IDO2: variants seen among roughly 807,000 people sequenced by gnomAD.
IDO2 encodes indoleamine 2,3-dioxygenase 2, also known as indoleamine 2,3-dioxygenase-like 1 protein.
In IDO2, 46 loss-of-function variants were observed where a neutral mutation model predicts 45.1. That is an observed-to-expected ratio of 1.02 (90% confidence interval 0.80 to 1.30). The LOEUF (loss-of-function observed/expected upper bound fraction) is 1.30. Ranked by LOEUF, IDO2 falls within the 50% of genes most tolerant of loss-of-function variation. The probability of loss-of-function intolerance (pLI) is 0.00; values close to 1 mark genes in which losing one functional copy is unlikely to be tolerated. For missense variants in IDO2, 544 were observed against 491.8 expected (o/e 1.11, Z -1.00); for synonymous variants, 218 against 184.9 (o/e 1.18, Z -1.45).
intron 1 of IDO2, among the ~76,000 whole-genome samples, chr8:39,941,328 A>C (rs1474451507): frequency 6.6e-6 from 1 of 152,114 alleles, no homozygotes; most frequent in Non-Finnish European, 1.5e-5. Flanking sequence ...GTGACTGTCA[A>C]GAAAGTATTT....
intron 3 of IDO2, among the ~76,000 whole-genome samples, chr8:39,969,595 C>A (rs1011614329): frequency 2.6e-5 from 4 of 152,174 alleles, no homozygotes; most frequent in Non-Finnish European, 5.9e-5. Context: ...AAACTAGAGG[C>A]TGGTCATGGT....
chr8:39,981,237 T>C (rs2543067), intron 4 of IDO2, among the ~76,000 whole-genome samples: 99,832 of 151,596 alleles, frequency 0.66, 33,726 homozygotes, highest in South Asian at 0.77. Flanking sequence ...AATTTTTATA[T>C]TTTTAGTAAA....
At chr8:39,954,747 C>G (rs939571093) in intron 2 of IDO2, among the ~76,000 whole-genome samples, 5 of 150,160 alleles carry the variant, frequency 3.3e-5, no homozygotes, top group African/African-American at 1.2e-4. Flanking sequence ...CCTTTGCCTC[C>G]CGGGTTCAAG....
intron 5 of IDO2, among the ~76,000 whole-genome samples, chr8:39,984,235 G>A (rs1808392395): frequency 6.6e-6 from 1 of 152,216 alleles, no homozygotes; most frequent in Admixed American, 6.5e-5. Context: ...AGCACATTGG[G>A]AGGCCCAGGT....
At chr8:39,944,304 C>T (rs956260930) in intron 1 of IDO2, among the ~76,000 whole-genome samples, 6 of 152,304 alleles carry the variant, frequency 3.9e-5, no homozygotes, top group African/African-American at 7.2e-5. Context: ...AACCACTACA[C>T]CCAGCCCAGG....
chr8:39,988,086 CTTAG>C, intron 7 of IDO2, 116 bp downstream of exon 7: 1 of 618,506 alleles, frequency 1.6e-6, no homozygotes, highest in Non-Finnish European at 2.9e-6. Context: ...CCTTGTCCTG[CTTAG>C]TTCAAGTCTG....
intron 9 of IDO2, among the ~76,000 whole-genome samples, chr8:40,009,459 A>T (rs1802278281): frequency 6.7e-6 from 1 of 149,544 alleles, no homozygotes; most frequent in African/African-American, 2.5e-5. Context: ...AAATGATCTC[A>T]TTTTTTTTTC....
chr8:39,980,662 G>A (rs1283735267), intron 4 of IDO2, among the ~76,000 whole-genome samples: 4 of 152,114 alleles, frequency 2.6e-5, no homozygotes, highest in Non-Finnish European at 5.9e-5. Context: ...CCTACCTCTT[G>A]TCTCTCGGGG....
intron 8 of IDO2, among the ~76,000 whole-genome samples, chr8:40,001,244 C>CCTT (rs1585418536): frequency 2.0e-5 from 2 of 97,846 alleles, no homozygotes; most frequent in East Asian, 2.8e-4. Flanking sequence ...TGGCTTTCCT[C>CCTT]ATTTTTTTTT....
intron 8 of IDO2, among the ~76,000 whole-genome samples, chr8:39,997,648 G>A (rs1802066354): frequency 6.6e-6 from 1 of 152,128 alleles, no homozygotes; most frequent in South Asian, 2.1e-4. Context: ...GACAGAGTGA[G>A]ACCCTGTCTC....
At chr8:39,967,778 G>C (rs573401114) in intron 3 of IDO2, among the ~76,000 whole-genome samples, 1 of 152,162 alleles carries the variant, frequency 6.6e-6, no homozygotes, top group African/African-American at 2.4e-5. Context: ...GTGAGCCACC[G>C]TGCTGGCCTA....
At chr8:39,961,396 C>T (rs558238817) in intron 2 of IDO2, among the ~76,000 whole-genome samples, 3 of 139,134 alleles carry the variant, frequency 2.2e-5, no homozygotes, top group South Asian at 2.4e-4. Context: ...GATCTTGGCT[C>T]ACTGCAACTT....
chr8:39,994,387 A>G (rs1240214870), intron 8 of IDO2, among the ~76,000 whole-genome samples: 1 of 151,608 alleles, frequency 6.6e-6, no homozygotes, highest in African/African-American at 2.4e-5. Flanking sequence ...CCTCCCTAGT[A>G]GCTGGGATTA....
exon 11 of IDO2, chr8:40,015,287 C>T: frequency 1.2e-6 from 2 of 1,613,074 alleles, no homozygotes; most frequent in Non-Finnish European, 1.7e-6. Context: ...TGCCTCCTTC[C>T]CATAAGGCCT....
At chr8:39,949,082 G>A (rs1807778390) in intron 1 of IDO2, 67 bp from the exon 2 acceptor site, 17 of 1,541,118 alleles carry the variant, frequency 1.1e-5, no homozygotes, top group Middle Eastern at 1.7e-4. Context: ...AACTGGAACC[G>A]AAGGATGGAA....
intron 8 of IDO2, among the ~76,000 whole-genome samples, chr8:40,004,525 T>TGATAGATGATAGATAGATA (rs1554549463): frequency 2.8e-5 from 4 of 144,398 alleles, no homozygotes; most frequent in African/African-American, 5.1e-5. Context: ...GACAGACAGA[T>TGATAGATGATAGATAGATA]GATAGATAGA....
At chr8:39,985,435 C>A in intron 5 of IDO2, 73 bp from the exon 6 acceptor site, 1 of 1,317,190 alleles carries the variant, frequency 7.6e-7, no homozygotes, top group Non-Finnish European at 1.1e-6. Flanking sequence ...ATTAATATAT[C>A]TGGTTTACAA....
intron 4 of IDO2, among the ~76,000 whole-genome samples, chr8:39,979,617 T>A (rs986350570): frequency 6.6e-6 from 1 of 151,930 alleles, no homozygotes; most frequent in Non-Finnish European, 1.5e-5. Flanking sequence ...CTTCCCACAG[T>A]GCTGGGATTA....
intron 2 of IDO2, among the ~76,000 whole-genome samples, chr8:39,960,805 C>T (rs572637246): frequency 1.3e-4 from 19 of 151,962 alleles, no homozygotes; most frequent in East Asian, 7.7e-4. Context: ...TTTTTTGAGA[C>T]GGAGTCTCGC....
Sources: gnomAD v4.1 joint callset for allele counts (sites outside exome capture counted in the v4.1 genomes callset) on GRCh38, gnomAD v4.1.1 for gene constraint, MANE v1.5 for transcripts, NCBI Gene and HGNC (gene_info 2026-07-23, HGNC 2026-07-21) for gene names.